Variants in NMRK1 observed in about 807,000 individuals in gnomAD.
NMRK1 encodes the protein NRK 1.
A neutral mutation model predicts 29.9 loss-of-function variants in NMRK1; 28 were observed. That is an observed-to-expected ratio of 0.94 (90% confidence interval 0.69 to 1.28). NMRK1 has a LOEUF of 1.28. Among genes scored for constraint, NMRK1 ranks in the 50% most tolerant of loss-of-function variants. The probability of loss-of-function intolerance (pLI) is 0.00; values close to 1 mark genes in which losing one functional copy is unlikely to be tolerated. For missense variants in NMRK1, 218 were observed against 233.1 expected (o/e 0.94, Z 0.42); for synonymous variants, 58 against 73.0 (o/e 0.79, Z 1.05).
chr9:75,067,802 T>C (rs564751276), intron 7 of NMRK1, among the ~76,000 whole-genome samples: 41 of 152,278 alleles, frequency 2.7e-4, no homozygotes, highest in Non-Finnish European at 5.1e-4. Flanking sequence ...CTGTGTGCAT[T>C]CCACATGGCT....
At chr9:75,062,476 A>G (rs987672729) in intron 8 of NMRK1, among the ~76,000 whole-genome samples, 24 of 152,146 alleles carry the variant, frequency 1.6e-4, no homozygotes, top group African/African-American at 5.3e-4. Flanking sequence ...AGTGTACAAA[A>G]CAGAACTCAG....
rs1472135076 is a variant in NMRK1, at chr9:75,078,201, T to A, written c.30-621A>T. The A allele has an allele frequency of 4.2e-6, 6 of 1,430,106 alleles. 1 individual carries two copies. The highest frequency in any genetic ancestry group is 4.7e-5 in the Admixed American group (2 of 42,166). The allele number at this position is 1,430,106 out of a possible 1,614,324, so 88.6% of individuals were successfully genotyped here. ...TGTCAAAATATTCACATGGTTCATATGCAACACAGAGAATATGAGTAGCAC... is the reference window on the plus strand; with the variant it reads ...TGTCAAAATATTCACATGGTTCATAAGCAACACAGAGAATATGAGTAGCAC... On this transcript the variant is annotated intron_variant, in intron 2 of 8. Transcript: ENST00000361092.
At chr9:75,081,413 T>G (rs1824313878) in intron 2 of NMRK1, among the ~76,000 whole-genome samples, 1 of 152,144 alleles carries the variant, frequency 6.6e-6, no homozygotes, top group Admixed American at 6.5e-5. Flanking sequence ...GATAACATAG[T>G]GAGACCCTGT....
chr9:75,075,533 A>G (rs533111545), intron 4 of NMRK1, among the ~76,000 whole-genome samples: 1 of 152,354 alleles, frequency 6.6e-6, no homozygotes, highest in South Asian at 2.1e-4. Flanking sequence ...CTCTGTCACT[A>G]GTTTGTGTAA....
At chr9:75,067,371 A>G (rs1823420261) in intron 7 of NMRK1, among the ~76,000 whole-genome samples, 1 of 151,682 alleles carries the variant, frequency 6.6e-6, no homozygotes, top group South Asian at 2.1e-4. Context: ...CTATCAGAGA[A>G]AAGACGTATT....
rs772398671 is a variant in NMRK1 at position 75,085,734 on chromosome 9, T to TTG, written c.-36+2273_-36+2274insCA. On this transcript the variant is annotated intron_variant, in intron 1 of 8. Coordinates refer to ENST00000361092, the MANE Select transcript of NMRK1 (RefSeq NM_017881.3). ...GATACAGTCAAATGTAAGTTTTTTT[T>TTG]TTTTTTTTTTTTTTTTTTTAACCAA... is the stretch of plus-strand genomic sequence containing the variant. Among the ~76,000 whole-genome samples the TTG allele has an allele frequency of 5.1e-3, 672 of 131,762 alleles. 8 individuals are homozygous for TTG. The highest frequency in any genetic ancestry group is 0.012 in the Middle Eastern group (3 of 248). The allele number at this position is 131,762 out of a possible 152,430, so 86.4% of individuals were successfully genotyped here. A position where few individuals can be genotyped will look rare whatever the true frequency, so the allele number is the denominator to read the frequency against.
chr9:75,069,442 C>T, intron 6 of NMRK1: 1 of 471,976 alleles, frequency 2.1e-6, no homozygotes, highest in Non-Finnish European at 3.7e-6. Flanking sequence ...TTCTTTGTAG[C>T]TGTGGCAGAA....
intron 4 of NMRK1, 46 bp from the exon 5 acceptor site, chr9:75,070,088 T>C: frequency 6.5e-7 from 1 of 1,548,666 alleles, no homozygotes; most frequent in South Asian, 1.2e-5. Context: ...AGCACAAAAT[T>C]TTGTGATGTG....
At chr9:75,064,788 A>T (rs909185657) in intron 8 of NMRK1, among the ~76,000 whole-genome samples, 1 of 152,220 alleles carries the variant, frequency 6.6e-6, no homozygotes, top group Non-Finnish European at 1.5e-5. Flanking sequence ...CACCAAAAAA[A>T]ACATATAATA....
intron 1 of NMRK1, among the ~76,000 whole-genome samples, chr9:75,084,737 T>C (rs761755471): frequency 1.3e-5 from 2 of 152,016 alleles, no homozygotes; most frequent in Non-Finnish European, 2.9e-5. Context: ...TAGCAGTGAG[T>C]GGAGATTGAG....
intron 2 of NMRK1, 141 bp downstream of exon 2, chr9:75,082,946 C>G: frequency 1.5e-6 from 1 of 670,536 alleles, no homozygotes; most frequent in Middle Eastern, 2.5e-4. Context: ...AGCCAGTGCT[C>G]CACTGATATT....
At position 75,077,278 on chromosome 9, in the gene NMRK1, G is replaced by T. The variant is rs146696375; in HGVS notation, c.121-71C>A. On this transcript the variant is annotated intron_variant, in intron 3 of 8. Transcript: ENST00000361092. ...AATAATACAATTATAGACTAAAAAG[G>T]AGAGAAGTCTTTAATAAATGCTTTG... 1.7e-5 allele frequency: 19 copies of T among 1,086,974 alleles called. No individual in the cohort carries two copies. In the East Asian group the frequency reaches 4.0e-4, roughly 23 times the overall value. 67.3% of individuals were successfully genotyped at this position (1,086,974 alleles called of 1,614,324 possible).
intron 2 of NMRK1, 76 bp downstream of exon 2, chr9:75,083,011 C>T: frequency 1.9e-6 from 2 of 1,058,704 alleles, no homozygotes; most frequent in Non-Finnish European, 1.5e-6. Flanking sequence ...TTCTCCGTCC[C>T]CCACTCCATC....
At chr9:75,081,662 T>C (rs1341240170) in intron 2 of NMRK1, among the ~76,000 whole-genome samples, 4 of 152,162 alleles carry the variant, frequency 2.6e-5, no homozygotes, top group Admixed American at 6.5e-5. Flanking sequence ...CCAGGTTCCA[T>C]GTCTGTTTTC....
intron 8 of NMRK1, among the ~76,000 whole-genome samples, chr9:75,064,935 TA>T (rs1823252246): frequency 6.6e-6 from 1 of 152,212 alleles, no homozygotes; most frequent in African/African-American, 2.4e-5. Context: ...TTTTGTCCCT[TA>T]AGCATGTTTT....
At chr9:75,080,248 G>A (rs1824239265) in intron 2 of NMRK1, among the ~76,000 whole-genome samples, 1 of 152,210 alleles carries the variant, frequency 6.6e-6, no homozygotes, top group Non-Finnish European at 1.5e-5. Context: ...ATGCCAGGAT[G>A]GATTTAAACT....
rs763527730 is a variant in NMRK1 at position 75,083,158 on chromosome 9, T to A, written c.-35-8A>T. ...ACAGCTTCCTAATATTTCCTAAAAG[T>A]AAAAAAACAAACAAACAAATCAAAT... On this transcript the variant is annotated splice_polypyrimidine_tract_variant and splice_region_variant and intron_variant, in intron 1 of 8. Coordinates refer to ENST00000361092, the MANE Select transcript of NMRK1 (RefSeq NM_017881.3). 7.2e-7 allele frequency: 1 copy of A among 1,381,012 alleles called. No individual in the cohort carries two copies. Among genetic ancestry groups the A allele is most frequent in the Non-Finnish European group, 1.0e-6 (1 of 968,702 alleles). 85.5% of individuals were successfully genotyped at this position (1,381,012 alleles called of 1,614,324 possible).
At chr9:75,075,862 G>A (rs1823958793) in intron 4 of NMRK1, among the ~76,000 whole-genome samples, 1 of 152,176 alleles carries the variant, frequency 6.6e-6, no homozygotes, top group Admixed American at 6.5e-5. Flanking sequence ...GGCCAATGTA[G>A]CTACTTATAC....
intron 4 of NMRK1, among the ~76,000 whole-genome samples, chr9:75,070,294 T>C (rs912000285): frequency 6.6e-6 from 1 of 152,176 alleles, no homozygotes; most frequent in African/African-American, 2.4e-5. Context: ...TAGGTCCCTA[T>C]TACCAGCTCT....
Sources: allele counts gnomAD v4.1 joint callset (sites outside exome capture counted in the v4.1 genomes callset), GRCh38; gene constraint gnomAD v4.1.1; transcripts MANE v1.5; gene names NCBI Gene and HGNC (gene_info 2026-07-23, HGNC 2026-07-21).